DNM1L: variants seen among roughly 807,000 people sequenced by gnomAD.
DNM1L encodes the protein dynamin-1-like protein.
Under a neutral mutation model 92.8 loss-of-function variants are expected in DNM1L, and 33 were observed. That is an observed-to-expected ratio of 0.36 (90% CI 0.27 to 0.48). The LOEUF is 0.48. Among genes scored for constraint, DNM1L ranks in the 20% least tolerant of loss-of-function variants. The probability of loss-of-function intolerance (pLI) is 0.99; values close to 1 mark genes in which losing one functional copy is unlikely to be tolerated. For synonymous variants in DNM1L, 284 were observed against 305.0 expected, an observed-to-expected ratio of 0.93 and a Z score of 0.72; for missense variants, 485 against 888.8, an observed-to-expected ratio of 0.55 and a Z score of 5.78.
rs1423115073 is a variant in DNM1L, at chr12:32,679,847, G to C, written c.102+382G>C. On this transcript the variant is annotated intron_variant, in intron 1 of 19. Transcript: ENST00000549701. ...CACCTGGGGGACGCGCGGGGCACTC[G>C]GGTCTCGCTGGGCTCGGTGGGCTGG... The C allele has an allele frequency of 6.0e-6, 6 of 998,386 alleles. No individual in the cohort carries two copies. In the East Asian group the frequency reaches 3.1e-4, roughly 51 times the overall value. The allele number at this position is 998,386 out of a possible 1,614,324, so 61.8% of individuals were successfully genotyped here.
At position 32,696,412 on chromosome 12, in the gene DNM1L, AC is replaced by A. The variant is rs1428378231; in HGVS notation, c.103-5002del. ...CACACACACACACACACACACACAC[AC>A]ACAATATAGTGAGACCCTGTCTACA... On this transcript the variant is annotated intron_variant, in intron 1 of 19. Coordinates refer to ENST00000549701, the MANE Select transcript of DNM1L (RefSeq NM_012062.5). Among the ~76,000 whole-genome samples, 55 of 150,476 alleles carry A rather than the reference AC, an allele frequency of 3.7e-4. No individual in the cohort carries two copies. The East Asian group carries it at 9.3e-3, about 25-fold the overall frequency.
rs141424147 is a variant in DNM1L, at chr12:32,682,957, C to T, written c.102+3492C>T. The stretch of plus-strand genomic sequence containing the variant: ...ACTTTTAGACCATGGTGTAACTTTG[C>T]AAGTAGAGGAGATAAGACTTAAAAC... On this transcript the variant is annotated intron_variant, in intron 1 of 19. Transcript: ENST00000549701. 2.8e-3 allele frequency among the ~76,000 whole-genome samples: 425 copies of T among 152,194 alleles called. 7 individuals are homozygous for T. Among genetic ancestry groups the T allele is most frequent in the Middle Eastern group, 0.01 (3 of 294 alleles).
At position 32,731,516 on chromosome 12, in the gene DNM1L, C is replaced by T. The variant is rs558306648; in HGVS notation, c.1356+5C>T. 27 of 1,613,786 alleles carry T rather than the reference C, an allele frequency of 1.7e-5. No homozygotes were observed. In the Admixed American group the frequency reaches 1.8e-4, roughly 11 times the overall value. The stretch of plus-strand genomic sequence containing the variant: ...TGTAGCAATTACAGTACACAGGTAA[C>T]GGAGAGAAATGTAACAGGTTTCACA... On this transcript the variant is annotated splice_donor_5th_base_variant and intron_variant, in intron 11 of 19. Transcript: ENST00000549701. This position sits in a 1 kb window ranked among gnomAD's most constrained non-coding sequence, Gnocchi z 5.1.
chr12:32,722,145 GTGAC>G (rs896153081), intron 8 of DNM1L, among the ~76,000 whole-genome samples: 12 of 152,082 alleles, frequency 7.9e-5, no homozygotes, highest in Non-Finnish European at 1.5e-4. Flanking sequence ...GGCTGTTCTG[GTGAC>G]CAGCTCCCAT....
chr12:32,738,107 ATAGTT>A, intron 15 of DNM1L, 152 bp from the exon 16 acceptor site: 1 of 1,059,548 alleles, frequency 9.4e-7, no homozygotes. Context: ...AATGCAATGC[ATAGTT>A]TATATTGTTG....
chr12:32,738,380 T>C, intron 16 of DNM1L, 84 bp downstream of exon 16: 1 of 1,422,806 alleles, frequency 7.0e-7, no homozygotes, highest in Admixed American at 1.7e-5. Flanking sequence ...AAGAACCTGT[T>C]TGTGTAGTGG....
At chr12:32,741,925 C>T (rs779108473) in intron 18 of DNM1L, among the ~76,000 whole-genome samples, 7 of 152,056 alleles carry the variant, frequency 4.6e-5, no homozygotes, top group Non-Finnish European at 8.8e-5. Context: ...AAAGCATATC[C>T]GTGTCATTAA....
intron 6 of DNM1L, among the ~76,000 whole-genome samples, chr12:32,715,737 A>C (rs1953334737): frequency 6.6e-6 from 1 of 152,122 alleles, no homozygotes; most frequent in Non-Finnish European, 1.5e-5. Flanking sequence ...CTCAAAAAAA[A>C]AGAAAAATGC....
intron 1 of DNM1L, chr12:32,679,709 T>G: frequency 8.3e-7 from 1 of 1,207,084 alleles, no homozygotes. Flanking sequence ...GCGGCGGGCC[T>G]GGCTAGCCCG....
At chr12:32,686,204 T>C (rs943295465) in intron 1 of DNM1L, among the ~76,000 whole-genome samples, 3 of 151,992 alleles carry the variant, frequency 2.0e-5, no homozygotes, top group Admixed American at 2.0e-4. Flanking sequence ...GCATGTGCCA[T>C]GCCTGGCTAA....
chr12:32,714,726 C>G (rs913601846), intron 6 of DNM1L, among the ~76,000 whole-genome samples: 2 of 150,878 alleles, frequency 1.3e-5, no homozygotes, highest in Non-Finnish European at 3.0e-5. Flanking sequence ...TGGCTCATGC[C>G]CGTAATACCA....
chr12:32,701,595 G>A (rs1202080340), intron 2 of DNM1L, 33 bp downstream of exon 2: 5 of 1,570,498 alleles, frequency 3.2e-6, no homozygotes, highest in Non-Finnish European at 4.4e-6. Context: ...TTATTTTACA[G>A]CTCTTCATTT....
intron 1 of DNM1L, among the ~76,000 whole-genome samples, chr12:32,693,750 G>C (rs1952322168): frequency 1.3e-5 from 2 of 152,000 alleles, no homozygotes; most frequent in South Asian, 4.1e-4. Context: ...TGATCCATCT[G>C]TCTAAGCCTC....
rs753976385 is a variant in DNM1L at position 32,705,905 on chromosome 12, T to C, written c.251-1462T>C. On this transcript the variant is annotated intron_variant, in intron 2 of 19. Transcript: ENST00000549701. ...TGCTTTTGACCCTTTTTTTCTCTTA[T>C]GCCTGCATGTGTGCTTATGTACTAT... 10 of 1,559,780 alleles carry C rather than the reference T, an allele frequency of 6.4e-6. No homozygotes were observed. In the East Asian group the frequency reaches 9.0e-5, roughly 14 times the overall value.
At chr12:32,703,527 C>T (rs950268142) in intron 2 of DNM1L, among the ~76,000 whole-genome samples, 1 of 144,080 alleles carries the variant, frequency 6.9e-6, no homozygotes, top group African/African-American at 2.6e-5. Context: ...AACCATGAAG[C>T]AGATAAACAA....
chr12:32,681,565 G>GC (rs1187987888), intron 1 of DNM1L, among the ~76,000 whole-genome samples: 1,305 of 64,712 alleles, frequency 0.02, 26 homozygotes, highest in African/African-American at 0.058. Context: ...TCCCCACACC[G>GC]CCCCCCCCGC....
chr12:32,707,667 T>C (rs936861108), intron 3 of DNM1L, among the ~76,000 whole-genome samples: 1 of 152,152 alleles, frequency 6.6e-6, no homozygotes, highest in African/African-American at 2.4e-5. Flanking sequence ...AAGTTCGTAA[T>C]GGCCAGGCAT....
rs554158757 is a variant in DNM1L at position 32,715,566 on chromosome 12, C to A, written c.619+2195C>A. 1.3e-4 allele frequency among the ~76,000 whole-genome samples: 19 copies of A among 151,984 alleles called. No individual in the cohort carries two copies. In the South Asian group the frequency reaches 4.0e-3, roughly 32 times the overall value. ...TGACCAACATGGTGAAACCCCATCTCTCTAAAAATACAAAAATTAGCCAGG... is the reference window on the plus strand; with the variant it reads ...TGACCAACATGGTGAAACCCCATCTATCTAAAAATACAAAAATTAGCCAGG... On this transcript the variant is annotated intron_variant, in intron 6 of 19. Transcript: ENST00000549701.
intron 1 of DNM1L, among the ~76,000 whole-genome samples, chr12:32,686,970 GC>G (rs1952040421): frequency 8.0e-6 from 1 of 124,366 alleles, no homozygotes; most frequent in African/African-American, 3.2e-5. Context: ...ATGGAGTCTC[GC>G]TCTGTTGCCC....
Sources: gnomAD v4.1 joint callset for allele counts (sites outside exome capture counted in the v4.1 genomes callset) on GRCh38, gnomAD v4.1.1 for gene constraint, Gnocchi (gnomAD v3.1) non-coding constraint, MANE v1.5 for transcripts, NCBI Gene and HGNC (gene_info 2026-07-23, HGNC 2026-07-21) for gene names.